APP: variants seen among roughly 807,000 people sequenced by gnomAD.
APP encodes amyloid-beta precursor protein.
Under a neutral mutation model 101.4 loss-of-function variants are expected in APP, and 31 were observed. That is an observed-to-expected ratio of 0.31 (90% CI 0.23 to 0.41). The LOEUF is 0.41. APP is among the 10% of genes least tolerant of loss of function. The probability of loss-of-function intolerance (pLI) is 1.00; values close to 1 mark genes in which losing one functional copy is unlikely to be tolerated. For synonymous variants in APP, 366 were observed against 364.4 expected (o/e 1.00, Z -0.05); for missense variants, 839 against 1,003.7 (o/e 0.84, Z 2.22).
At chr21:26,017,018 G>A (rs1332142617) in intron 6 of APP, among the ~76,000 whole-genome samples, 7 of 142,016 alleles carry the variant, frequency 4.9e-5, no homozygotes, top group Non-Finnish European at 9.2e-5. Context: ...CTAACATGGT[G>A]AAACCCTGAC....
chr21:26,051,745 T>C (rs931935676), intron 4 of APP, among the ~76,000 whole-genome samples: 2 of 152,340 alleles, frequency 1.3e-5, no homozygotes, highest in South Asian at 4.1e-4. Context: ...GATTTCTCCT[T>C]GAATGTCTTT....
chr21:25,981,581 T>A (rs1160538321), intron 9 of APP, among the ~76,000 whole-genome samples: 1 of 152,190 alleles, frequency 6.6e-6, no homozygotes, highest in Non-Finnish European at 1.5e-5. Flanking sequence ...CAACATCCAG[T>A]GCCTGGTAGC....
At position 26,140,386 on chromosome 21, in the gene APP, T is replaced by C. The variant is rs577251761; in HGVS notation, c.58-28240A>G. The C allele has an allele frequency of 1.6e-3, 2,305 of 1,454,892 alleles. 54 individuals are homozygous for C. In the South Asian group the frequency reaches 0.031, roughly 19 times the overall value. The allele number at this position is 1,454,892 out of a possible 1,614,324, so 90.1% of individuals were successfully genotyped here. On this transcript the variant is annotated intron_variant, in intron 1 of 17. Coordinates refer to ENST00000346798, the MANE Select transcript of APP (RefSeq NM_000484.4). Reference sequence around the variant, plus strand: ...TCTACCACGCACAGCAAGGCTGTGCTATTTAGGCGTGGATCACACGCACAC... The same window carrying C: ...TCTACCACGCACAGCAAGGCTGTGCCATTTAGGCGTGGATCACACGCACAC...
At chr21:26,153,969 A>C (rs1168952093) in intron 1 of APP, among the ~76,000 whole-genome samples, 1 of 152,208 alleles carries the variant, frequency 6.6e-6, no homozygotes, top group Non-Finnish European at 1.5e-5. Flanking sequence ...TCACGTTGTA[A>C]AGCAAATATT....
intron 17 of APP, among the ~76,000 whole-genome samples, chr21:25,882,512 G>T (rs189773470): frequency 1.8e-4 from 28 of 151,522 alleles, no homozygotes; most frequent in African/African-American, 6.8e-4. Flanking sequence ...TACCTCTAAG[G>T]TCAGGCCAGT....
At chr21:26,136,784 G>C (rs1204327401) in intron 1 of APP, among the ~76,000 whole-genome samples, 3 of 152,100 alleles carry the variant, frequency 2.0e-5, no homozygotes, top group Non-Finnish European at 4.4e-5. Flanking sequence ...CTGGATTTAA[G>C]TCTTGGCCCT....
chr21:25,881,427 C>T lies in APP; in HGVS notation c.*243G>A. ...TGATACAGCTAAATTCTTTACAGTA[C>T]ACAAAACCCATTAATAATGTAGTAT... is the stretch of plus-strand genomic sequence containing the variant. On this transcript the variant is annotated 3_prime_UTR_variant, in exon 18 of 18. Transcript: ENST00000346798. 3.5e-6 allele frequency: 2 copies of T among 569,456 alleles called. No individual in the cohort carries two copies. The highest frequency in any genetic ancestry group is 6.3e-6 in the Non-Finnish European group (2 of 318,450). The allele number at this position is 569,456 out of a possible 1,614,324, so 35.3% of individuals were successfully genotyped here.
At chr21:26,045,222 C>A (rs1245048566) in intron 5 of APP, among the ~76,000 whole-genome samples, 234 of 152,076 alleles carry the variant, frequency 1.5e-3, no homozygotes, top group African/African-American at 5.4e-3. Flanking sequence ...AAATTATGAG[C>A]TGTCAATGTT....
rs374803377 is a variant in APP at position 25,911,713 on chromosome 21, C to T, written c.1909+28G>A. On this transcript the variant is annotated intron_variant, in intron 14 of 17. Transcript: ENST00000346798. ...GTATGTGTATATATACCTCCCAGAA[C>T]GCCCTTGCTGGCTCAGGGGACTCTT... 2.4e-5 allele frequency: 38 copies of T among 1,597,242 alleles called. 1 individual carries two copies. The highest frequency in any genetic ancestry group is 1.9e-4 in the South Asian group (17 of 90,580).
intron 1 of APP, among the ~76,000 whole-genome samples, chr21:26,167,014 T>C (rs1326333798): frequency 6.6e-6 from 1 of 151,958 alleles, no homozygotes; most frequent in Non-Finnish European, 1.5e-5. Flanking sequence ...ATGCAGAAAC[T>C]TAACCTCCAA....
intron 17 of APP, among the ~76,000 whole-genome samples, chr21:25,890,642 G>A (rs2037629412): frequency 6.9e-6 from 1 of 144,640 alleles, no homozygotes; most frequent in Admixed American, 7.4e-5. Flanking sequence ...AGGAAGCTGA[G>A]ACAAGAGAAT....
At chr21:25,897,774 C>CTTCAAGG in intron 15 of APP, 101 bp from the exon 16 acceptor site, 1 of 955,960 alleles carries the variant, frequency 1.0e-6, no homozygotes, top group East Asian at 2.4e-5. Flanking sequence ...CTTTCTAGGC[C>CTTCAAGG]TGAAGTTAGA....
At chr21:25,934,510 A>G (rs1291316319) in intron 13 of APP, 1 of 151,988 alleles carries the variant, frequency 6.6e-6, no homozygotes, top group Non-Finnish European at 1.5e-5. Context: ...ATCTCGGCTC[A>G]CTGTAACCTC....
chr21:25,970,073 C>T (rs2041973377), intron 11 of APP, among the ~76,000 whole-genome samples: 1 of 151,568 alleles, frequency 6.6e-6, no homozygotes, highest in African/African-American at 2.4e-5. Flanking sequence ...AACAGGAATC[C>T]TTAGATCAAT....
At chr21:26,029,264 A>C (rs2044715065) in intron 5 of APP, among the ~76,000 whole-genome samples, 1 of 152,182 alleles carries the variant, frequency 6.6e-6, no homozygotes, top group Non-Finnish European at 1.5e-5. Context: ...TGGGCACAGA[A>C]TGGTCTCCAG....
chr21:26,095,286 A>G (rs1174407359), intron 2 of APP, among the ~76,000 whole-genome samples: 2 of 152,212 alleles, frequency 1.3e-5, no homozygotes, highest in Non-Finnish European at 2.9e-5. Flanking sequence ...GCCAACAATA[A>G]GTTTTAAATT....
chr21:25,972,225 A>G (rs866081889), intron 11 of APP, among the ~76,000 whole-genome samples: 2 of 152,220 alleles, frequency 1.3e-5, no homozygotes, highest in Admixed American at 6.5e-5. Flanking sequence ...ATGTGAGGTG[A>G]TAAGATGAAA....
At chr21:26,081,919 T>C (rs1275590533) in intron 3 of APP, among the ~76,000 whole-genome samples, 1 of 152,206 alleles carries the variant, frequency 6.6e-6, no homozygotes, top group Non-Finnish European at 1.5e-5. Flanking sequence ...TTTGATTGAA[T>C]ATAAAATCCT....
intron 3 of APP, among the ~76,000 whole-genome samples, chr21:26,089,254 G>T (rs1460002300): frequency 1.3e-5 from 2 of 152,148 alleles, no homozygotes; most frequent in Non-Finnish European, 2.9e-5. Context: ...ACTAGGAACA[G>T]ACTAATAACC....
Sources: gnomAD v4.1 joint callset for allele counts (sites outside exome capture counted in the v4.1 genomes callset) on GRCh38, gnomAD v4.1.1 for gene constraint, MANE v1.5 for transcripts, NCBI Gene and HGNC (gene_info 2026-07-23, HGNC 2026-07-21) for gene names.